The following TMPO variants were observed in gnomAD, a reference collection of about 807,000 sequenced individuals.
TMPO encodes the protein LEM domain containing 4.
A neutral mutation model predicts 45.4 loss-of-function variants in TMPO; 22 were observed. The ratio of observed to expected loss-of-function variants is 0.48; its 90% confidence interval spans 0.35 to 0.69. The LOEUF is 0.69. Ranked by LOEUF, TMPO falls within the 30% of genes least tolerant of loss-of-function variation. TMPO has a pLI of 0.01. For synonymous variants in TMPO, 241 were observed against 204.1 expected (o/e 1.18, Z -1.54); for missense variants, 512 against 548.8 (o/e 0.93, Z 0.67).
At chr12:98,536,935 T>A (rs912779939) in intron 3 of TMPO, among the ~76,000 whole-genome samples, 1 of 152,182 alleles carries the variant, frequency 6.6e-6, no homozygotes, top group Non-Finnish European at 1.5e-5. Flanking sequence ...TATAACTACA[T>A]CAAAAAAGCT....
chr12:98,546,416 C>G lies in TMPO; in HGVS notation c.1048C>G (p.Pro350Ala). Residue 350 changes from proline (P) to alanine (A), a missense_variant, in exon 8 of 9, where the codon CCC becomes GCC. Transcript: ENST00000556029. The part of the protein sequence containing the change: ...VERDILKEMF[P>A]YEASTPTGIS... ...AAGGGATATTCTTAAGGAAATGTTC[C>G]CCTATGAAGCATCTACACCAACAGG... 6.2e-7 allele frequency: 1 copy of G among 1,611,874 alleles called. No individual in the cohort carries two copies. Among genetic ancestry groups the G allele is most frequent in the Non-Finnish European group, 8.5e-7 (1 of 1,178,248 alleles).
intron 3 of TMPO, chr12:98,533,747 C>G (rs1877374763): frequency 3.7e-6 from 6 of 1,614,162 alleles, no homozygotes; most frequent in African/African-American, 1.3e-5. Flanking sequence ...TTCCATGAAT[C>G]TATTTTAAAA....
chr12:98,531,643 C>T (rs1400417721), intron 2 of TMPO, 37 bp from the exon 3 acceptor site: 3 of 1,607,178 alleles, frequency 1.9e-6, no homozygotes, highest in Non-Finnish European at 2.6e-6. Context: ...CTAAATGAAA[C>T]AATACAGGTA....
intron 1 of TMPO, among the ~76,000 whole-genome samples, chr12:98,527,332 CTACAAAAAAAAAAAAA>C (rs1245777383): frequency 1.4e-5 from 1 of 69,830 alleles, no homozygotes; most frequent in Non-Finnish European, 3.0e-5. Flanking sequence ...AACCCCATCT[CTACAAAAAAAAAAAAA>C]AACAAAAAAA....
intron 4 of TMPO, among the ~76,000 whole-genome samples, chr12:98,539,651 C>T (rs1233081093): frequency 2.0e-5 from 3 of 151,828 alleles, no homozygotes; most frequent in Non-Finnish European, 4.4e-5. Flanking sequence ...TTTTTGAATT[C>T]TTAGTAGAGA....
At chr12:98,544,628 A>C in intron 6 of TMPO, 91 bp downstream of exon 6, 12 of 1,054,454 alleles carry the variant, frequency 1.1e-5, no homozygotes, top group Non-Finnish European at 1.6e-5. Flanking sequence ...GGCAAATCTC[A>C]AATTTACATG....
chr12:98,538,897 C>G (rs1018767013), intron 4 of TMPO, among the ~76,000 whole-genome samples: 2 of 152,132 alleles, frequency 1.3e-5, no homozygotes, highest in Non-Finnish European at 2.9e-5. Context: ...GCTTCAGGAG[C>G]ATGCTGAAGA....
intron 4 of TMPO, chr12:98,537,840 G>T: frequency 1.9e-6 from 1 of 540,104 alleles, no homozygotes; most frequent in Non-Finnish European, 3.3e-6. Context: ...TGTTTTGAAA[G>T]AAATATTTTA....
chr12:98,544,890 T>C (rs1878129991), intron 6 of TMPO, 61 bp from the exon 7 acceptor site: 1 of 1,283,500 alleles, frequency 7.8e-7, no homozygotes, highest in South Asian at 1.2e-5. Context: ...CTTTCTTTTC[T>C]TTTTAAGTGT....
At chr12:98,527,162 G>A (rs569694626) in intron 1 of TMPO, among the ~76,000 whole-genome samples, 14 of 151,884 alleles carry the variant, frequency 9.2e-5, no homozygotes, top group East Asian at 3.9e-4. Flanking sequence ...ATCTGTTTCC[G>A]TTGCCATTGG....
At chr12:98,537,381 G>A (rs1247546334) in intron 3 of TMPO, 94 bp from the exon 4 acceptor site, 10 of 1,016,666 alleles carry the variant, frequency 9.8e-6, no homozygotes, top group Non-Finnish European at 1.5e-5. Flanking sequence ...ACCTTTTAAT[G>A]TGCCTAAAAC....
Position 98,531,793 on chromosome 12 carries a change from C to T in TMPO, c.520C>T (p.Gln174Ter). 1 of 1,613,652 alleles carries T rather than the reference C, an allele frequency of 6.2e-7. No homozygotes were observed. The highest frequency in any genetic ancestry group is 1.1e-5 in the South Asian group (1 of 91,068). ...TTCTTCTTCAGCAGAAAATACAAGG[C>T]AGAATGGAAGTAATGATTCTGACAG... ...TISSSAENTR[Q>*]NGSNDSDRYS... Residue 174 changes from glutamine to a stop codon, truncating the protein, a stop_gained, in exon 3 of 9, where the codon CAG (glutamine) becomes TAG (stop). Coordinates refer to ENST00000556029, the MANE Select transcript of TMPO (RefSeq NM_001032283.3). LOFTEE classifies it high-confidence loss of function.
At chr12:98,517,847 G>A (rs1001258498) in intron 1 of TMPO, among the ~76,000 whole-genome samples, 7 of 152,218 alleles carry the variant, frequency 4.6e-5, no homozygotes, top group East Asian at 1.9e-4. Flanking sequence ...GAAAAAGAAG[G>A]TAGTATTTAA....
intron 5 of TMPO, 29 bp from the exon 6 acceptor site, chr12:98,544,413 T>C (rs1182993837): frequency 6.8e-6 from 11 of 1,612,282 alleles, no homozygotes; most frequent in Admixed American, 1.7e-5. Flanking sequence ...TTTATATTTA[T>C]TGTTTTTGTT....
intron 3 of TMPO, chr12:98,533,011 C>A (rs1266035436): frequency 6.2e-7 from 1 of 1,613,638 alleles, no homozygotes; most frequent in African/African-American, 1.3e-5. Flanking sequence ...GGGAGACCTA[C>A]CTAGGGAGCC....
At chr12:98,545,358 G>C (rs1878170208) in intron 7 of TMPO, among the ~76,000 whole-genome samples, 1 of 152,088 alleles carries the variant, frequency 6.6e-6, no homozygotes, top group Non-Finnish European at 1.5e-5. Context: ...GTTTGTCATG[G>C]ATGCAAGTTT....
rs370546897 is a variant in TMPO at position 98,531,880 on chromosome 12, T to C, written c.565+42T>C. On this transcript the variant is annotated intron_variant, in intron 3 of 8. Coordinates refer to ENST00000556029, the MANE Select transcript of TMPO (RefSeq NM_001032283.3). ...TGTTAATCAAATGTATGGAATTTTT[T>C]CACACTCAAAATTCAGTGACCATGA... The C allele has an allele frequency of 2.5e-5, 39 of 1,559,064 alleles. No individual in the cohort carries two copies. In the African/African-American group the frequency reaches 4.7e-4, roughly 19 times the overall value.
intron 3 of TMPO, chr12:98,535,482 G>T: frequency 1.0e-6 from 1 of 985,268 alleles, no homozygotes; most frequent in Non-Finnish European, 1.2e-6. Context: ...GATTATATGT[G>T]TCCATCTTTG....
At position 98,547,555 on chromosome 12, in the gene TMPO, T is replaced by G; in HGVS notation, c.1080-18T>G. 6.2e-7 allele frequency: 1 copy of G among 1,614,002 alleles called. No individual in the cohort carries two copies. Among genetic ancestry groups the G allele is most frequent in the Non-Finnish European group, 8.5e-7 (1 of 1,179,920 alleles). On this transcript the variant is annotated intron_variant, in intron 8 of 8. Coordinates refer to ENST00000556029, the MANE Select transcript of TMPO (RefSeq NM_001032283.3). ...TTATCTAAAATTATTTTTCTTTTCC[T>G]CCTTTCACTCCCAACAGTGCTAGTT...
Sources: gnomAD v4.1 joint callset for allele counts (sites outside exome capture counted in the v4.1 genomes callset) on GRCh38, gnomAD v4.1.1 for gene constraint, MANE v1.5 for transcripts, NCBI Gene and HGNC (gene_info 2026-07-23, HGNC 2026-07-21) for gene names.